The following MME variants were observed in gnomAD, a reference collection of about 807,000 sequenced individuals.
MME encodes the protein membrane metalloendopeptidase, also known as neprilysin.
A neutral mutation model predicts 113.2 loss-of-function variants in MME; 98 were observed. That is an observed-to-expected ratio of 0.87 (90% CI 0.74 to 1.02). The LOEUF (loss-of-function observed/expected upper bound fraction) is 1.02, where lower values mean the gene tolerates loss of function less well. Among genes scored for constraint, MME ranks in the 50% least tolerant of loss-of-function variants. The pLI is 0.00. For missense variants in MME, 836 were observed against 896.0 expected, an observed-to-expected ratio of 0.93 and a Z score of 0.86; for synonymous variants, 292 against 300.6, an observed-to-expected ratio of 0.97 and a Z score of 0.30.
rs904114910 is a variant in MME at position 155,183,133 on chromosome 3, C to A, written c.*2674C>A. The A allele has an allele frequency of 6.6e-6, 1 of 152,164 alleles. No homozygotes were observed. The highest frequency in any genetic ancestry group is 1.5e-5 in the Non-Finnish European group (1 of 68,078). The allele number at this position is 152,164 out of a possible 1,614,324, so 9.4% of individuals were successfully genotyped here. On this transcript the variant is annotated 3_prime_UTR_variant, in exon 23 of 23. Coordinates refer to ENST00000360490, the MANE Select transcript of MME (RefSeq NM_007289.4). ...TGGCAAGGAGTCTGCCTCCATGCTG[C>A]AGTGTTCGAGTGGATTGTAGGTGCA...
At chr3:155,037,107 G>A (rs965097139) in intron 1 of MME, among the ~76,000 whole-genome samples, 6 of 152,128 alleles carry the variant, frequency 3.9e-5, no homozygotes, top group South Asian at 4.1e-4. Flanking sequence ...GCAGTACTGC[G>A]CTGTCCTGAA....
At chr3:155,079,629 G>GT (rs1309427031), upstream of MME, 15 of 143,750 alleles carry the variant, frequency 1.0e-4, no homozygotes, top group East Asian at 4.4e-4. Context: ...GGGGTAGGGG[G>GT]TGGGGGGGGT....
intron 8 of MME, among the ~76,000 whole-genome samples, chr3:155,135,934 T>G (rs1236872271): frequency 6.6e-6 from 1 of 152,220 alleles, no homozygotes; most frequent in East Asian, 1.9e-4. Context: ...TTGATTTGGC[T>G]CTCAGCTTGA....
At chr3:155,110,853 C>T (rs2108240861) in intron 3 of MME, among the ~76,000 whole-genome samples, 1 of 152,296 alleles carries the variant, frequency 6.6e-6, no homozygotes, top group Non-Finnish European at 1.5e-5. Context: ...TGCTTTTATA[C>T]AGATTTTAAA....
intron 7 of MME, among the ~76,000 whole-genome samples, chr3:155,117,889 A>C (rs1212123974): frequency 6.6e-6 from 1 of 151,962 alleles, no homozygotes; most frequent in African/African-American, 2.4e-5. Context: ...TTTCTTTTCT[A>C]TTGGCCTAGG....
chr3:155,063,032 CAAAAAA>C (rs772216166), intron 1 of MME, among the ~76,000 whole-genome samples: 1,657 of 61,826 alleles, frequency 0.027, 27 homozygotes, highest in African/African-American at 0.082. Flanking sequence ...GACTCCATCT[CAAAAAA>C]AAAAAAAAAA....
chr3:155,051,275 G>T (rs1201489994), intron 1 of MME, among the ~76,000 whole-genome samples: 1 of 152,124 alleles, frequency 6.6e-6, no homozygotes, highest in African/African-American at 2.4e-5. Flanking sequence ...CATTATTCAA[G>T]AAAATGTCTG....
At chr3:155,088,166 C>T (rs901551197) in intron 3 of MME, among the ~76,000 whole-genome samples, 1 of 152,004 alleles carries the variant, frequency 6.6e-6, no homozygotes, top group Non-Finnish European at 1.5e-5. Context: ...GACACACACC[C>T]TCATGGATAC....
chr3:155,091,020 T>TG, intron 3 of MME, among the ~76,000 whole-genome samples: 1 of 152,314 alleles, frequency 6.6e-6, no homozygotes, highest in Non-Finnish European at 1.5e-5. Flanking sequence ...GGCTAACTCA[T>TG]GGGGGCTACT....
chr3:155,181,586 T>A lies in MME; in HGVS notation c.*1127T>A, dbSNP rs200003370. The A allele has an allele frequency of 1.3e-5, 2 of 152,188 alleles. No homozygotes were observed. The highest frequency in any genetic ancestry group is 2.4e-5 in the African/African-American group (1 of 41,464). The allele number at this position is 152,188 out of a possible 1,614,324, so 9.4% of individuals were successfully genotyped here. On this transcript the variant is annotated 3_prime_UTR_variant, in exon 23 of 23. Coordinates refer to ENST00000360490, the MANE Select transcript of MME (RefSeq NM_007289.4). The stretch of plus-strand genomic sequence containing the variant: ...TTGATAATAAATTGAAATTGTGAAC[T>A]CATTGCTCCCTAAGACTGTGACAAC...
intron 3 of MME, among the ~76,000 whole-genome samples, chr3:155,092,401 C>T (rs578006439): frequency 6.6e-6 from 1 of 152,248 alleles, no homozygotes; most frequent in East Asian, 1.9e-4. Flanking sequence ...TTTAGTACAT[C>T]TGGATCAACA....
At chr3:155,035,637 G>A (rs768630301) in intron 1 of MME, among the ~76,000 whole-genome samples, 24 of 150,646 alleles carry the variant, frequency 1.6e-4, no homozygotes, top group Non-Finnish European at 2.8e-4. Flanking sequence ...ATATATGGGG[G>A]GCAGGTACCC....
chr3:155,044,325 A>G (rs1713469869), intron 1 of MME, among the ~76,000 whole-genome samples: 1 of 150,552 alleles, frequency 6.6e-6, no homozygotes, highest in African/African-American at 2.4e-5. Flanking sequence ...TACAGATGGG[A>G]TTTCAATATA....
chr3:155,054,697 G>C (rs542362153), intron 1 of MME, among the ~76,000 whole-genome samples: 38 of 152,256 alleles, frequency 2.5e-4, no homozygotes, highest in African/African-American at 8.9e-4. Flanking sequence ...CACCCCTGTA[G>C]TCCTAGCTAC....
rs2108393937 is a variant in MME, at chr3:155,180,992, T to G, written c.*533T>G. On this transcript the variant is annotated 3_prime_UTR_variant, in exon 23 of 23. Transcript: ENST00000360490. ...CCTTGGAGCTTACATAGTTTTAAAC[T>G]CATTTTTGCCATACATCAGTTATTC... 1 of 156,766 alleles carries G rather than the reference T, an allele frequency of 6.4e-6. No homozygotes were observed. The highest frequency in any genetic ancestry group is 6.1e-5 in the Admixed American group (1 of 16,342). The allele number at this position is 156,766 out of a possible 1,614,324, so 9.7% of individuals were successfully genotyped here.
At chr3:155,106,650 T>C (rs927509634) in intron 3 of MME, among the ~76,000 whole-genome samples, 6 of 152,166 alleles carry the variant, frequency 3.9e-5, no homozygotes, top group African/African-American at 9.7e-5. Context: ...TTTCTCTGAA[T>C]TGTGGTTGGG....
intron 1 of MME, among the ~76,000 whole-genome samples, chr3:155,026,316 G>A (rs1440055472): frequency 1.3e-5 from 2 of 152,272 alleles, no homozygotes; most frequent in Admixed American, 1.3e-4. Flanking sequence ...GAACTCTGGA[G>A]CCAAGGTGCT....
intron 3 of MME, among the ~76,000 whole-genome samples, chr3:155,101,078 A>AC (rs1303992393): frequency 1.5e-4 from 22 of 150,100 alleles, no homozygotes; most frequent in Admixed American, 2.7e-4. Flanking sequence ...AGTGTGTGGA[A>AC]CCCCCCCACC....
chr3:155,170,271 C>T (rs1711777002), intron 20 of MME, among the ~76,000 whole-genome samples: 5 of 152,160 alleles, frequency 3.3e-5, no homozygotes, highest in Admixed American at 3.3e-4. Flanking sequence ...TCTCAAACTC[C>T]TGACATCAAG....
Sources: gnomAD v4.1 joint callset for allele counts (sites outside exome capture counted in the v4.1 genomes callset) on GRCh38, gnomAD v4.1.1 for gene constraint, MANE v1.5 for transcripts, NCBI Gene and HGNC (gene_info 2026-07-23, HGNC 2026-07-21) for gene names.